The following NAV2 variants were observed in gnomAD, a reference collection of about 807,000 sequenced individuals.
NAV2 encodes the protein helicase, APC down-regulated 1.
In NAV2, 54 loss-of-function variants were observed where a neutral mutation model predicts 223.2. The ratio of observed to expected loss-of-function variants is 0.24; its 90% confidence interval spans 0.19 to 0.30. The LOEUF (loss-of-function observed/expected upper bound fraction) is 0.30. NAV2 is among the 10% of genes least tolerant of loss of function. NAV2 has a pLI of 1.00. For missense variants in NAV2, 2,806 were observed against 3,147.5 expected (o/e 0.89, Z 2.60); for synonymous variants, 1,279 against 1,239.3 (o/e 1.03, Z -0.67).
At chr11:19,636,592 G>A (rs1029146905) in intron 1 of NAV2, among the ~76,000 whole-genome samples, 2 of 150,826 alleles carry the variant, frequency 1.3e-5, no homozygotes, top group African/African-American at 2.4e-5. Flanking sequence ...CCGGGTTCAC[G>A]CCATTCTCCT....
At chr11:19,464,996 A>C (rs545892121) in intron 1 of NAV2, among the ~76,000 whole-genome samples, 11 of 152,274 alleles carry the variant, frequency 7.2e-5, no homozygotes, top group African/African-American at 2.6e-4. Context: ...GCTAGCCTGG[A>C]GTTGGGCTCT....
At chr11:19,604,692 C>T (rs781703199) in intron 1 of NAV2, among the ~76,000 whole-genome samples, 1 of 152,126 alleles carries the variant, frequency 6.6e-6, no homozygotes, top group Non-Finnish European at 1.5e-5. Flanking sequence ...AACTAAGGCA[C>T]TGAAGTTGGT....
chr11:19,477,706 A>G (rs1564969034), intron 1 of NAV2, among the ~76,000 whole-genome samples: 2 of 152,138 alleles, frequency 1.3e-5, no homozygotes, highest in African/African-American at 4.8e-5. Flanking sequence ...TTTACCTGAG[A>G]CTTCCTTTCA....
At chr11:19,519,016 G>C (rs1304178186) in intron 1 of NAV2, among the ~76,000 whole-genome samples, 1 of 152,128 alleles carries the variant, frequency 6.6e-6, no homozygotes, top group Non-Finnish European at 1.5e-5. Context: ...ACCAGAACCT[G>C]GCCATGCTGG....
chr11:19,480,471 G>A (rs1461744255), intron 1 of NAV2, among the ~76,000 whole-genome samples: 1 of 152,194 alleles, frequency 6.6e-6, no homozygotes, highest in East Asian at 1.9e-4. Context: ...CAGTCAGAGG[G>A]ATGGATGCCC....
intron 10 of NAV2, among the ~76,000 whole-genome samples, chr11:19,966,192 C>T (rs2048756084): frequency 6.6e-6 from 1 of 152,202 alleles, no homozygotes; most frequent in Non-Finnish European, 1.5e-5. Context: ...GATCCCACCT[C>T]TCAGTGGGAG....
chr11:19,492,458 C>G (rs1169028664), intron 1 of NAV2, among the ~76,000 whole-genome samples: 2 of 152,048 alleles, frequency 1.3e-5, no homozygotes, highest in Non-Finnish European at 2.9e-5. Flanking sequence ...GTCTCCTCAT[C>G]CATCTGGCTG....
intron 3 of NAV2, among the ~76,000 whole-genome samples, chr11:19,850,858 C>T (rs1010725749): frequency 2.0e-5 from 3 of 152,144 alleles, no homozygotes; most frequent in East Asian, 3.8e-4. Flanking sequence ...CATAACCATC[C>T]TATAGAATGA....
At chr11:19,928,996 T>C (rs2045056293) in intron 6 of NAV2, among the ~76,000 whole-genome samples, 3 of 152,142 alleles carry the variant, frequency 2.0e-5, no homozygotes, top group African/African-American at 7.2e-5. Context: ...GGCTCACACC[T>C]GTAATCCCAG....
intron 35 of NAV2, among the ~76,000 whole-genome samples, chr11:20,106,170 T>TAC: frequency 7.0e-5 from 1 of 14,242 alleles, no homozygotes; most frequent in Non-Finnish European, 3.0e-4. Context: ...TATATATATA[T>TAC]ATATATGTGT....
At position 20,032,214 on chromosome 11, in the gene NAV2, G is replaced by A. The variant is rs113197051; in HGVS notation, c.2769-3745G>A. Reference sequence around the variant, plus strand: ...CCCTTGCTCATTGTGGCCTTCCCTCGTGTCACTGCCCTTCATCCTTGTCAT... The same window carrying A: ...CCCTTGCTCATTGTGGCCTTCCCTCATGTCACTGCCCTTCATCCTTGTCAT... On this transcript the variant is annotated intron_variant, in intron 11 of 37. Coordinates refer to ENST00000349880, the MANE Select transcript of NAV2 (RefSeq NM_145117.5). Among the ~76,000 whole-genome samples the A allele has an allele frequency of 4.4e-3, 666 of 152,210 alleles. 3 individuals carry two copies. Among genetic ancestry groups the A allele is most frequent in the African/African-American group, 0.015 (627 of 41,540 alleles).
At chr11:20,082,654 G>A in intron 25 of NAV2, 1 of 1,538,990 alleles carries the variant, frequency 6.5e-7, no homozygotes, top group Non-Finnish European at 9.0e-7. Flanking sequence ...CCATTGATAT[G>A]ACTAACCTCA....
chr11:19,845,716 C>G (rs1383805499), intron 3 of NAV2, among the ~76,000 whole-genome samples: 1 of 152,206 alleles, frequency 6.6e-6, no homozygotes, highest in African/African-American at 2.4e-5. Flanking sequence ...GGCTGCCCAG[C>G]TGCTCTGTTC....
intron 1 of NAV2, among the ~76,000 whole-genome samples, chr11:19,779,778 A>G (rs914802114): frequency 2.0e-5 from 3 of 152,144 alleles, no homozygotes; most frequent in African/African-American, 7.2e-5. Flanking sequence ...ATCTGTCCCC[A>G]CTCTACGTTG....
At position 19,713,868 on chromosome 11, in the gene NAV2, T is replaced by C. The variant is rs1206111236; in HGVS notation, c.173T>C (p.Leu58Pro). 6.2e-7 allele frequency: 1 copy of C among 1,613,502 alleles called. No individual in the cohort carries two copies. Among genetic ancestry groups the C allele is most frequent in the Non-Finnish European group, 8.5e-7 (1 of 1,179,924 alleles). The change falls in exon 1 of 38, where the codon CTG becomes CCG. Residue 58 changes from leucine (L) to proline (P), a missense_variant. By Grantham distance (98) the Leu-to-Pro change is moderately conservative. Around this residue, in one of 4 missense-constraint regions of NAV2, gnomAD observed 1,167 missense variants for 1,180.5 expected, o/e 0.99. Transcript: ENST00000349880. The surrounding 1 kb of genome is among the most constrained non-coding windows in gnomAD (Gnocchi z 7.2). The part of the protein sequence containing the change: ...SKTTYPSQIP[L>P]KSQVLQGLQE... Reference sequence around the variant, plus strand: ...ACCACCTATCCTAGCCAGATCCCCCTGAAATCGCAGGTGCTGCAGGGGCTG... The same window carrying C: ...ACCACCTATCCTAGCCAGATCCCCCCGAAATCGCAGGTGCTGCAGGGGCTG...
intron 3 of NAV2, among the ~76,000 whole-genome samples, chr11:19,844,407 T>C (rs1260610404): frequency 6.6e-6 from 1 of 152,210 alleles, no homozygotes; most frequent in African/African-American, 2.4e-5. Flanking sequence ...GCACCTTCTA[T>C]TGGAGGTTTT....
chr11:20,054,721 A>AT (rs1185499173), intron 18 of NAV2, among the ~76,000 whole-genome samples: 1 of 152,210 alleles, frequency 6.6e-6, no homozygotes, highest in Non-Finnish European at 1.5e-5. Context: ...TTAAGTTTTG[A>AT]TTGAATAGGT....
At chr11:19,414,501 T>A (rs1030552416) in intron 1 of NAV2, among the ~76,000 whole-genome samples, 6 of 151,984 alleles carry the variant, frequency 3.9e-5, no homozygotes, top group African/African-American at 1.4e-4. Context: ...TAGTGGGAGA[T>A]TTTAACACCC....
chr11:19,593,430 C>T (rs897894691), intron 1 of NAV2, among the ~76,000 whole-genome samples: 7 of 152,232 alleles, frequency 4.6e-5, no homozygotes, highest in African/African-American at 1.7e-4. Context: ...ACTGACAGAC[C>T]ATGGTTTAAC....
Sources: allele counts gnomAD v4.1 joint callset (sites outside exome capture counted in the v4.1 genomes callset), GRCh38; gene constraint gnomAD v4.1.1; regional missense constraint gnomAD v4.1.1; non-coding constraint Gnocchi (gnomAD v3.1); transcripts MANE v1.5; gene names NCBI Gene and HGNC (gene_info 2026-07-23, HGNC 2026-07-21).